The following LRRIQ3 variants were observed in gnomAD, a reference collection of about 807,000 sequenced individuals.
LRRIQ3 encodes leucine rich repeats and IQ motif containing 3.
In LRRIQ3, 75 loss-of-function variants were observed where a neutral mutation model predicts 59.3. That is an observed-to-expected ratio of 1.26 (90% CI 1.05 to 1.53). The LOEUF (loss-of-function observed/expected upper bound fraction) is 1.53, where lower values mean the gene tolerates loss of function less well. Ranked by LOEUF, LRRIQ3 falls within the 40% of genes most tolerant of loss-of-function variation. The pLI is 0.00. For missense variants in LRRIQ3, 831 were observed against 710.0 expected (o/e 1.17, Z -1.94); for synonymous variants, 250 against 231.3 (o/e 1.08, Z -0.73).
At chr1:74,047,109 T>C (rs1557591884) in intron 6 of LRRIQ3, among the ~76,000 whole-genome samples, 1 of 152,236 alleles carries the variant, frequency 6.6e-6, no homozygotes, top group East Asian at 1.9e-4. Context: ...CCCAAAGGAT[T>C]ATAAATCATT....
intron 3 of LRRIQ3, among the ~76,000 whole-genome samples, chr1:74,171,533 T>C (rs1649321085): frequency 6.6e-6 from 1 of 152,206 alleles, no homozygotes; most frequent in African/African-American, 2.4e-5. Context: ...CAATGTACTG[T>C]TGGATTCAGT....
chr1:74,063,121 AAACAACAACAAC>A (rs1012702321), intron 6 of LRRIQ3, among the ~76,000 whole-genome samples: 1 of 151,020 alleles, frequency 6.6e-6, no homozygotes, highest in Admixed American at 6.6e-5. Context: ...CCCCAAAACC[AAACAACAACAAC>A]AACAACAACA....
Position 74,198,122 on chromosome 1 carries a change from G to A in LRRIQ3, c.-127C>T, listed in dbSNP as rs546653717. 2.6e-4 allele frequency: 367 copies of A among 1,418,212 alleles called. 1 individual carries two copies. The highest frequency in any genetic ancestry group is 3.1e-4 in the Non-Finnish European group (329 of 1,074,880). 87.9% of individuals were successfully genotyped at this position (1,418,212 alleles called of 1,614,324 possible). On this transcript the variant is annotated 5_prime_UTR_variant, in exon 1 of 8. Transcript: ENST00000354431. ...GCTAGAGAAACAAGACAACATCCAA[G>A]TTCTCCACATCATGGTTTTCCGGGC...
At chr1:74,053,286 CA>C (rs1654425554) in intron 6 of LRRIQ3, among the ~76,000 whole-genome samples, 2 of 150,872 alleles carry the variant, frequency 1.3e-5, no homozygotes, top group Admixed American at 1.3e-4. Flanking sequence ...ACTATAAACT[CA>C]GAGAAGAAAA....
intron 5 of LRRIQ3, among the ~76,000 whole-genome samples, chr1:74,098,354 CTA>C (rs1646478356): frequency 1.3e-5 from 2 of 152,152 alleles, no homozygotes; most frequent in South Asian, 4.1e-4. Context: ...GAAGAGCTAA[CTA>C]TCCTAAATAT....
At chr1:74,194,706 C>CA (rs2100749033) in intron 1 of LRRIQ3, among the ~76,000 whole-genome samples, 1 of 152,214 alleles carries the variant, frequency 6.6e-6, no homozygotes, top group South Asian at 2.1e-4. Flanking sequence ...ATAATCTGCA[C>CA]AGAAATCACA....
chr1:74,096,699 A>G (rs956560229), intron 5 of LRRIQ3, among the ~76,000 whole-genome samples: 18 of 151,954 alleles, frequency 1.2e-4, no homozygotes, highest in African/African-American at 4.1e-4. Flanking sequence ...TTGGTCTTTG[A>G]TGATGGTGAC....
intron 4 of LRRIQ3, among the ~76,000 whole-genome samples, chr1:74,121,609 T>G (rs1305779186): frequency 6.6e-6 from 1 of 152,166 alleles, no homozygotes; most frequent in Non-Finnish European, 1.5e-5. Flanking sequence ...ATACTTTAAG[T>G]TTTAGGGTGC....
At chr1:74,166,888 A>C (rs916871730) in intron 3 of LRRIQ3, among the ~76,000 whole-genome samples, 1 of 151,970 alleles carries the variant, frequency 6.6e-6, no homozygotes, top group Admixed American at 6.6e-5. Context: ...ACACAAATCA[A>C]AACCACAAGG....
At chr1:74,063,104 C>A (rs1236347279) in intron 6 of LRRIQ3, among the ~76,000 whole-genome samples, 1 of 149,884 alleles carries the variant, frequency 6.7e-6, no homozygotes, top group Non-Finnish European at 1.5e-5. Flanking sequence ...CAAAACAAAA[C>A]AAAAAACCCC....
intron 3 of LRRIQ3, among the ~76,000 whole-genome samples, chr1:74,163,541 A>G (rs1316747275): frequency 1.3e-5 from 2 of 151,698 alleles, no homozygotes; most frequent in Non-Finnish European, 3.0e-5. Context: ...TTATATAAGT[A>G]GCATTATTCT....
At chr1:74,049,229 T>C (rs1654291232) in intron 6 of LRRIQ3, among the ~76,000 whole-genome samples, 1 of 152,126 alleles carries the variant, frequency 6.6e-6, no homozygotes, top group Non-Finnish European at 1.5e-5. Flanking sequence ...CTCACAGAGG[T>C]AAGGCAGGGG....
At position 74,075,568 on chromosome 1, in the gene LRRIQ3, G is replaced by GA. The variant is rs745376071; in HGVS notation, c.868-779dup. ...GGCAACAGAGCGAGACTCCGTCTCA[G>GA]AAAAAAAAAAAAAGAAAAGAAAAAG... On this transcript the variant is annotated intron_variant, in intron 5 of 7. Transcript: ENST00000354431. Among the ~76,000 whole-genome samples the GA allele has an allele frequency of 5.6e-3, 756 of 134,322 alleles. 4 individuals carry two copies. The highest frequency in any genetic ancestry group is 8.4e-3 in the Non-Finnish European group (522 of 61,860). 88.1% of individuals were successfully genotyped at this position (134,322 alleles called of 152,430 possible).
chr1:74,093,223 C>T (rs371197455), intron 5 of LRRIQ3, among the ~76,000 whole-genome samples: 19 of 151,988 alleles, frequency 1.3e-4, no homozygotes, highest in African/African-American at 4.3e-4. Context: ...AACTCCAACA[C>T]TCAGGAGGAA....
At chr1:74,086,507 T>C (rs1469797511) in intron 5 of LRRIQ3, among the ~76,000 whole-genome samples, 1 of 152,134 alleles carries the variant, frequency 6.6e-6, no homozygotes, top group Non-Finnish European at 1.5e-5. Context: ...GCTATAACCA[T>C]TCTGTCTCCT....
chr1:74,100,584 T>C (rs549796897), intron 5 of LRRIQ3, among the ~76,000 whole-genome samples: 1 of 151,996 alleles, frequency 6.6e-6, no homozygotes, highest in Non-Finnish European at 1.5e-5. Flanking sequence ...AACCAAAAAA[T>C]AGCCTGCATT....
chr1:74,197,084 G>A (rs1362469720), intron 1 of LRRIQ3, among the ~76,000 whole-genome samples: 1 of 152,034 alleles, frequency 6.6e-6, no homozygotes, highest in African/African-American at 2.4e-5. Context: ...ATAAGATACT[G>A]TTTTTTTAAT....
At chr1:74,031,504 T>C (rs904086687) in intron 7 of LRRIQ3, among the ~76,000 whole-genome samples, 4 of 150,462 alleles carry the variant, frequency 2.7e-5, no homozygotes, top group East Asian at 4.0e-4. Context: ...CAGCAAACTA[T>C]CACAAGGACA....
chr1:74,168,593 A>G (rs1649139055), intron 3 of LRRIQ3, among the ~76,000 whole-genome samples: 1 of 152,070 alleles, frequency 6.6e-6, no homozygotes, highest in African/African-American at 2.4e-5. Context: ...TTTTAATGTA[A>G]TTATAGACAG....
Sources: allele counts gnomAD v4.1 joint callset (sites outside exome capture counted in the v4.1 genomes callset), GRCh38; gene constraint gnomAD v4.1.1; transcripts MANE v1.5; gene names NCBI Gene and HGNC (gene_info 2026-07-23, HGNC 2026-07-21).